The following WDR49 variants were observed in gnomAD, a reference collection of about 807,000 sequenced individuals.
The protein encoded by WDR49 is cilia- and flagella-associated protein 337.
WDR49 carries 107 observed loss-of-function variants against 119.5 expected under a neutral mutation model. The observed-to-expected ratio is 0.90, with a 90% CI of 0.77 to 1.05. The LOEUF (loss-of-function observed/expected upper bound fraction) is 1.05. Ranked by LOEUF, WDR49 falls within the 50% of genes least tolerant of loss-of-function variation. WDR49 has a pLI of 0.00. For missense variants in WDR49, 1,240 were observed against 1,220.5 expected, an observed-to-expected ratio of 1.02 and a Z score of -0.24; for synonymous variants, 425 against 418.8, an observed-to-expected ratio of 1.01 and a Z score of -0.18.
chr3:167,591,272 C>G (rs986979409), intron 7 of WDR49, among the ~76,000 whole-genome samples: 1 of 151,984 alleles, frequency 6.6e-6, no homozygotes, highest in African/African-American at 2.4e-5. Flanking sequence ...AGAGAAGATG[C>G]TTGATATTAT....
intron 2 of WDR49, among the ~76,000 whole-genome samples, chr3:167,642,431 G>C (rs1209852147): frequency 1.3e-5 from 2 of 151,880 alleles, no homozygotes; most frequent in South Asian, 4.1e-4. Flanking sequence ...TAGAACAAAG[G>C]TTCAAAATGT....
At chr3:167,626,756 G>T in intron 3 of WDR49, 96 bp downstream of exon 3, 1 of 1,006,500 alleles carries the variant, frequency 9.9e-7, no homozygotes, top group Non-Finnish European at 1.3e-6. Flanking sequence ...AAGCCACCAA[G>T]AGTAATGCAG....
chr3:167,563,992 G>A (rs1713436498), intron 8 of WDR49, among the ~76,000 whole-genome samples: 2 of 152,288 alleles, frequency 1.3e-5, no homozygotes, highest in South Asian at 4.1e-4. Flanking sequence ...CCTGTTCAGG[G>A]TGGGCATCAC....
intron 7 of WDR49, among the ~76,000 whole-genome samples, chr3:167,579,399 T>A (rs61523196): frequency 0.37 from 56,995 of 152,026 alleles, 13,352 homozygotes; most frequent in African/African-American, 0.68. Context: ...CCAATTGCAG[T>A]TCTCACATAA....
At chr3:167,556,804 A>C (rs917351871) in intron 9 of WDR49, among the ~76,000 whole-genome samples, 3 of 151,952 alleles carry the variant, frequency 2.0e-5, no homozygotes, top group Non-Finnish European at 4.4e-5. Context: ...AGGCGGGCGG[A>C]TCACAAGGTC....
At chr3:167,581,572 T>A (rs1414894994) in intron 7 of WDR49, among the ~76,000 whole-genome samples, 1 of 152,202 alleles carries the variant, frequency 6.6e-6, no homozygotes, top group Non-Finnish European at 1.5e-5. Flanking sequence ...CAGCCTAGCT[T>A]TGCTGAAGAA....
In WDR49 at chr3:167,621,538, A is replaced by G; in HGVS notation, c.712T>C (p.Cys238Arg). The change falls in exon 4 of 19, where the codon TGC becomes CGC. Residue 238 changes from cysteine to arginine, a missense_variant. Coordinates refer to ENST00000682715, the MANE Select transcript of WDR49 (RefSeq NM_001366157.1). ...AGAGGATCATACCAATAATCCATGCAAATTGGTGTTCCTTTCAGGCCTTGG... is the reference window on the plus strand; with the variant it reads ...AGAGGATCATACCAATAATCCATGCGAATTGGTGTTCCTTTCAGGCCTTGG... ...KLQGLKGTPI[C>R]MDYWYDPLDA... The G allele has an allele frequency of 6.5e-7, 1 of 1,535,692 alleles. No homozygotes were observed. The highest frequency in any genetic ancestry group is 8.7e-7 in the Non-Finnish European group (1 of 1,146,484).
intron 18 of WDR49, among the ~76,000 whole-genome samples, chr3:167,487,102 G>A (rs1212577558): frequency 6.6e-6 from 1 of 152,060 alleles, no homozygotes; most frequent in Non-Finnish European, 1.5e-5. Context: ...CAAAGCTAGA[G>A]GCATCACATT....
chr3:167,560,329 T>A (rs1446580776), intron 8 of WDR49, 101 bp from the exon 9 acceptor site: 2 of 1,194,364 alleles, frequency 1.7e-6, no homozygotes, highest in Non-Finnish European at 2.3e-6. Flanking sequence ...AGTCCAAAGA[T>A]CCCCCAACAG....
chr3:167,608,257 A>C (rs1164932491), intron 5 of WDR49, among the ~76,000 whole-genome samples: 3 of 152,364 alleles, frequency 2.0e-5, no homozygotes, highest in Non-Finnish European at 4.4e-5. Flanking sequence ...ACTATACAAC[A>C]TAATACTATA....
At chr3:167,524,315 A>T (rs935022353) in intron 15 of WDR49, among the ~76,000 whole-genome samples, 8 of 152,132 alleles carry the variant, frequency 5.3e-5, no homozygotes, top group South Asian at 2.1e-4. Context: ...TCAGATAGAT[A>T]GATTGATTGA....
chr3:167,533,027 A>G, intron 11 of WDR49, 50 bp from the exon 12 acceptor site: 1 of 1,360,260 alleles, frequency 7.4e-7, no homozygotes, highest in Admixed American at 2.0e-5. Context: ...TTAAGATAGA[A>G]AATATGAGCA....
At position 167,527,949 on chromosome 3, in the gene WDR49, A is replaced by G; in HGVS notation, c.2475T>C (p.Pro825=). The change falls in exon 15 of 19, where the codon CCT becomes CCC. Residue 825 remains proline (P), a synonymous_variant. Transcript: ENST00000682715. ...KAPTLIRSFQ[P]HEDRISSLEM... is the part of the protein sequence containing the mutation. ...CTAAGGAACTTATTCGGTCCTCATGAGGTTGGAATGATCTTATCAGAGTTG... is the reference window on the plus strand; with the variant it reads ...CTAAGGAACTTATTCGGTCCTCATGGGGTTGGAATGATCTTATCAGAGTTG... 6.2e-7 allele frequency: 1 copy of G among 1,613,352 alleles called. No individual in the cohort carries two copies. Among genetic ancestry groups the G allele is most frequent in the Non-Finnish European group, 8.5e-7 (1 of 1,179,584 alleles).
chr3:167,529,419 C>T (rs1752765184), intron 13 of WDR49, among the ~76,000 whole-genome samples, 180 bp from the exon 14 acceptor site: 1 of 152,078 alleles, frequency 6.6e-6, no homozygotes, highest in Admixed American at 6.6e-5. Flanking sequence ...ATGATAACCT[C>T]ACTGGTTTGT....
chr3:167,594,974 G>T (rs1410550909), intron 7 of WDR49, among the ~76,000 whole-genome samples: 3 of 150,158 alleles, frequency 2.0e-5, no homozygotes, highest in Admixed American at 6.7e-5. Context: ...AAACCCCATT[G>T]TCTCAGCCCA....
intron 7 of WDR49, among the ~76,000 whole-genome samples, chr3:167,586,872 C>T (rs964323423): frequency 2.0e-5 from 3 of 152,060 alleles, no homozygotes; most frequent in Non-Finnish European, 4.4e-5. Flanking sequence ...ACATAATCAC[C>T]TGTGACTCTA....
At chr3:167,495,793 G>A (rs1251292755) in intron 18 of WDR49, among the ~76,000 whole-genome samples, 5 of 144,152 alleles carry the variant, frequency 3.5e-5, no homozygotes, top group Non-Finnish European at 7.5e-5. Flanking sequence ...TATTTTAAAA[G>A]CAGCCAGAAT....
chr3:167,611,634 G>T (rs1489948614), intron 5 of WDR49, among the ~76,000 whole-genome samples: 1 of 151,968 alleles, frequency 6.6e-6, no homozygotes, highest in Non-Finnish European at 1.5e-5. Context: ...AGATAAAAGG[G>T]ATGAAAAAGA....
At chr3:167,583,426 T>C (rs1714653994) in intron 7 of WDR49, among the ~76,000 whole-genome samples, 1 of 151,846 alleles carries the variant, frequency 6.6e-6, no homozygotes, top group Non-Finnish European at 1.5e-5. Context: ...CTAGCTGTGG[T>C]GGCCACATCT....
Sources: allele counts gnomAD v4.1 joint callset (sites outside exome capture counted in the v4.1 genomes callset), GRCh38; gene constraint gnomAD v4.1.1; transcripts MANE v1.5; gene names NCBI Gene and HGNC (gene_info 2026-07-23, HGNC 2026-07-21).